Variants in OR2L13 observed in about 807,000 individuals in gnomAD.
OR2L13 encodes the protein olfactory receptor family 2 subfamily L member 13.
OR2L13 carries 14 observed loss-of-function variants against 15.3 expected under a neutral mutation model. The observed-to-expected ratio is 0.91, with a 90% CI of 0.60 to 1.43. OR2L13 has a LOEUF of 1.43. OR2L13 is among the 40% of genes most tolerant of loss of function. OR2L13 has a pLI of 0.00. For synonymous variants in OR2L13, 152 were observed against 142.9 expected (o/e 1.06, Z -0.45); for missense variants, 367 against 387.9 (o/e 0.95, Z 0.45).
At chr1:248,020,339 C>G in the OR2L13 span, among the ~76,000 whole-genome samples, 1 of 152,116 alleles carries the variant, frequency 6.6e-6, no homozygotes, top group Non-Finnish European at 1.5e-5. Flanking sequence ...AAAGACTCCT[C>G]CAGAAAACTC....
the OR2L13 span, among the ~76,000 whole-genome samples, chr1:248,057,312 G>A: frequency 6.6e-6 from 1 of 152,114 alleles, no homozygotes; most frequent in African/African-American, 2.4e-5. Flanking sequence ...TATGAATCTG[G>A]ATGCTCCTGT....
At chr1:248,081,169 T>C in the OR2L13 span, among the ~76,000 whole-genome samples, 2 of 152,222 alleles carry the variant, frequency 1.3e-5, no homozygotes, top group Admixed American at 6.5e-5. Context: ...CAAACCTTTA[T>C]TAAGAAATTA....
chr1:248,078,688 T>A, the OR2L13 span, among the ~76,000 whole-genome samples: 1 of 152,074 alleles, frequency 6.6e-6, no homozygotes, highest in East Asian at 1.9e-4. Context: ...CTATGGACCT[T>A]CACTTGTAAT....
chr1:247,952,552 C>A, the OR2L13 span, among the ~76,000 whole-genome samples: 1 of 152,158 alleles, frequency 6.6e-6, no homozygotes, highest in Non-Finnish European at 1.5e-5. Context: ...AACCAGAAAG[C>A]AAGATTTCTC....
chr1:248,010,763 G>GTTTTTTTTTTT, the OR2L13 span, among the ~76,000 whole-genome samples: 25 of 44,470 alleles, frequency 5.6e-4, no homozygotes, highest in South Asian at 1.7e-3. Context: ...CTTTGTTGTT[G>GTTTTTTTTTTT]TTTTTTTTTT....
chr1:248,060,680 C>T, the OR2L13 span: 3 of 1,608,866 alleles, frequency 1.9e-6, no homozygotes, highest in African/African-American at 1.3e-5. Context: ...CACGAATGCC[C>T]CATGGAAAAT....
At chr1:247,983,132 T>C in the OR2L13 span, among the ~76,000 whole-genome samples, 3 of 152,208 alleles carry the variant, frequency 2.0e-5, no homozygotes, top group African/African-American at 7.2e-5. Context: ...TTGTGTGTAA[T>C]CTGGATAAGT....
chr1:248,083,428 A>G, the OR2L13 span: 1 of 537,482 alleles, frequency 1.9e-6, no homozygotes, highest in Non-Finnish European at 3.3e-6. Flanking sequence ...ACAAAGTAAT[A>G]TATAGATTTT....
chr1:247,992,054 T>C, the OR2L13 span, among the ~76,000 whole-genome samples: 6,080 of 148,724 alleles, frequency 0.041, 796 homozygotes, highest in African/African-American at 0.14. Context: ...TTACATGTGG[T>C]TTTTTTTCTG....
chr1:248,096,732 A>G (rs1271357990), upstream of OR2L13, among the ~76,000 whole-genome samples: 1 of 152,210 alleles, frequency 6.6e-6, no homozygotes, highest in Non-Finnish European at 1.5e-5. Context: ...TGCAAAATAA[A>G]TTCAGGACCC....
the OR2L13 span, chr1:248,062,749 A>T: frequency 2.6e-5 from 4 of 152,194 alleles, no homozygotes; most frequent in African/African-American, 9.6e-5. Flanking sequence ...AATGTTCCCA[A>T]CACAAAGAAA....
chr1:247,988,242 C>T, the OR2L13 span, among the ~76,000 whole-genome samples: 1 of 151,816 alleles, frequency 6.6e-6, no homozygotes, highest in African/African-American at 2.4e-5. Flanking sequence ...TAATATTTCT[C>T]TCTCTTCTAA....
chr1:248,058,304 C>A, the OR2L13 span, among the ~76,000 whole-genome samples: 3 of 152,116 alleles, frequency 2.0e-5, no homozygotes, highest in South Asian at 6.2e-4. Context: ...TCTGATAATG[C>A]TTGATTTTCT....
At chr1:248,091,401 G>A (rs781499134), upstream of OR2L13, among the ~76,000 whole-genome samples, 5 of 145,774 alleles carry the variant, frequency 3.4e-5, no homozygotes, top group South Asian at 2.1e-4. Flanking sequence ...ATTTTTCAGA[G>A]TACTTAGAGT....
the OR2L13 span, among the ~76,000 whole-genome samples, chr1:247,983,889 C>T: frequency 6.6e-6 from 1 of 152,210 alleles, no homozygotes; most frequent in Non-Finnish European, 1.5e-5. Flanking sequence ...CTTCCCCTTT[C>T]GGGGCAGTAG....
At chr1:247,945,262 T>A in the OR2L13 span, among the ~76,000 whole-genome samples, 1 of 152,194 alleles carries the variant, frequency 6.6e-6, no homozygotes. Flanking sequence ...ATTTCATTAT[T>A]TACCCAGGAG....
chr1:248,024,671 C>T, the OR2L13 span, among the ~76,000 whole-genome samples: 12 of 152,146 alleles, frequency 7.9e-5, no homozygotes, highest in Middle Eastern at 3.2e-3. Context: ...GGAATCCTTT[C>T]CCCATTGCTT....
the OR2L13 span, chr1:248,003,600 C>T: frequency 3.1e-6 from 5 of 1,611,660 alleles, no homozygotes; most frequent in Non-Finnish European, 4.2e-6. Context: ...AATGCTTGTG[C>T]TCACACTGTA....
At chr1:247,959,135 C>T in the OR2L13 span, among the ~76,000 whole-genome samples, 1 of 152,026 alleles carries the variant, frequency 6.6e-6, no homozygotes, top group South Asian at 2.1e-4. Context: ...TAGGTCAGGC[C>T]TGGTGGTGAC....
Sources: gnomAD v4.1 joint callset for allele counts (sites outside exome capture counted in the v4.1 genomes callset) on GRCh38, gnomAD v4.1.1 for gene constraint, MANE v1.5 for transcripts, NCBI Gene and HGNC (gene_info 2026-07-23, HGNC 2026-07-21) for gene names.